The following FDFT1 variants were observed in gnomAD, a reference collection of about 807,000 sequenced individuals.
FDFT1 encodes the protein farnesyl-diphosphate farnesyltransferase 1.
In FDFT1, 68 loss-of-function variants were observed where a neutral mutation model predicts 46.8. The ratio of observed to expected loss-of-function variants is 1.45; its 90% confidence interval spans 1.19 to 1.78. The LOEUF (loss-of-function observed/expected upper bound fraction) is 1.78, where lower values mean the gene tolerates loss of function less well. Among genes scored for constraint, FDFT1 ranks in the 40% most tolerant of loss-of-function variants. The pLI is 0.00. For missense variants in FDFT1, 928 were observed against 524.4 expected, an observed-to-expected ratio of 1.77 and a Z score of -7.52; for synonymous variants, 351 against 185.1, an observed-to-expected ratio of 1.90 and a Z score of -7.28.
intron 1 of FDFT1, 137 bp downstream of exon 1, chr8:11,803,068 T>G (rs907540315): frequency 4.8e-6 from 7 of 1,449,332 alleles, no homozygotes; most frequent in Non-Finnish European, 5.4e-6. Flanking sequence ...CCGTCCCCCT[T>G]TCCTCGAGCC....
intron 7 of FDFT1, among the ~76,000 whole-genome samples, chr8:11,836,695 A>G (rs1811578711): frequency 6.6e-6 from 1 of 152,270 alleles, no homozygotes; most frequent in Non-Finnish European, 1.5e-5. Context: ...GATGACTTCT[A>G]ATAGAATTAT....
intron 7 of FDFT1, among the ~76,000 whole-genome samples, chr8:11,834,488 C>T (rs567647139): frequency 6.6e-6 from 1 of 152,302 alleles, no homozygotes; most frequent in South Asian, 2.1e-4. Flanking sequence ...AGAGAATCAT[C>T]CGGCTCTTTG....
intron 1 of FDFT1, among the ~76,000 whole-genome samples, chr8:11,804,285 T>C (rs980425374): frequency 6.6e-6 from 1 of 152,224 alleles, no homozygotes; most frequent in Non-Finnish European, 1.5e-5. Context: ...TCTATGTCTC[T>C]TTCCTTTCTA....
chr8:11,823,405 C>G (rs1422727582), intron 4 of FDFT1, among the ~76,000 whole-genome samples: 3 of 151,864 alleles, frequency 2.0e-5, no homozygotes, highest in African/African-American at 7.3e-5. Context: ...TCTAGTAATT[C>G]TTTTGAAGAT....
chr8:11,838,146 G>A (rs1281032684), intron 7 of FDFT1, among the ~76,000 whole-genome samples: 1 of 152,218 alleles, frequency 6.6e-6, no homozygotes, highest in Admixed American at 6.5e-5. Flanking sequence ...GGGCCTCTGG[G>A]TGCAGTATGC....
chr8:11,814,668 T>C (rs1438855032), intron 3 of FDFT1, among the ~76,000 whole-genome samples: 1 of 152,206 alleles, frequency 6.6e-6, no homozygotes, highest in Non-Finnish European at 1.5e-5. Context: ...AATTCAACTT[T>C]TTTACATTAG....
intron 7 of FDFT1, among the ~76,000 whole-genome samples, chr8:11,835,213 C>G (rs1425002435): frequency 1.3e-5 from 2 of 152,274 alleles, no homozygotes; most frequent in East Asian, 1.9e-4. Flanking sequence ...AGATGTAACT[C>G]CTTGATTGAG....
At chr8:11,804,264 G>C (rs1311152346) in intron 1 of FDFT1, among the ~76,000 whole-genome samples, 5 of 152,226 alleles carry the variant, frequency 3.3e-5, no homozygotes, top group Non-Finnish European at 7.3e-5. Flanking sequence ...TTTGGGTCCA[G>C]ACTTCATTCC....
chr8:11,809,625 G>C, intron 2 of FDFT1, 42 bp from the exon 3 acceptor site: 4 of 1,524,118 alleles, frequency 2.6e-6, no homozygotes, highest in Middle Eastern at 1.8e-4. Context: ...AAAATCTTTG[G>C]CTGTTTGTTC....
chr8:11,821,005 A>G (rs1052879234), intron 3 of FDFT1, among the ~76,000 whole-genome samples: 1 of 152,212 alleles, frequency 6.6e-6, no homozygotes, highest in Non-Finnish European at 1.5e-5. Flanking sequence ...TCTTGGAAGC[A>G]ACTCTGGGTC....
At chr8:11,803,277 G>T (rs1160231632) in intron 1 of FDFT1, 2 of 1,331,194 alleles carry the variant, frequency 1.5e-6, no homozygotes, top group African/African-American at 1.5e-5. Flanking sequence ...GGGTTACGCG[G>T]GAGAGGACGA....
At chr8:11,815,277 C>G (rs937010214) in intron 3 of FDFT1, among the ~76,000 whole-genome samples, 2 of 152,082 alleles carry the variant, frequency 1.3e-5, no homozygotes, top group East Asian at 1.9e-4. Context: ...TATTGATGGA[C>G]ATTTGGGTTG....
rs1811822009 is a variant in FDFT1, at chr8:11,838,325, G to C, written c.1033-63G>C. ...AAATACCTGCCAGTGGAGGGTTGTT[G>C]TAAGTAGCCATGGAAAATGTAAAGC... On this transcript the variant is annotated intron_variant, in intron 7 of 7. Coordinates refer to ENST00000220584, the MANE Select transcript of FDFT1 (RefSeq NM_004462.5). The C allele has an allele frequency of 1.2e-5, 15 of 1,296,384 alleles. No individual in the cohort carries two copies. The South Asian group carries it at 1.7e-4, about 15-fold the overall frequency. The allele number at this position is 1,296,384 out of a possible 1,614,324, so 80.3% of individuals were successfully genotyped here.
intron 7 of FDFT1, among the ~76,000 whole-genome samples, chr8:11,832,551 CAAAAAAAAA>C (rs531759815): frequency 4.4e-4 from 16 of 36,376 alleles, no homozygotes; most frequent in Admixed American, 1.4e-3. Flanking sequence ...GACTTTGTCT[CAAAAAAAAA>C]AAAAAAAAAA....
At chr8:11,816,278 G>A (rs1189142753) in intron 3 of FDFT1, among the ~76,000 whole-genome samples, 3 of 152,136 alleles carry the variant, frequency 2.0e-5, no homozygotes, top group Non-Finnish European at 4.4e-5. Context: ...TAGCCTTGTA[G>A]TATAGTTTGA....
intron 4 of FDFT1, among the ~76,000 whole-genome samples, chr8:11,822,129 T>C (rs1397589078): frequency 6.6e-6 from 1 of 152,206 alleles, no homozygotes; most frequent in Non-Finnish European, 1.5e-5. Flanking sequence ...CAAAGGGATG[T>C]AATTGACCAT....
At chr8:11,796,953 A>G (rs1041491843) in intron 1 of FDFT1, among the ~76,000 whole-genome samples, 1 of 152,256 alleles carries the variant, frequency 6.6e-6, no homozygotes, top group Non-Finnish European at 1.5e-5. Flanking sequence ...AAAGCAGCTC[A>G]GGGCAGTTGT....
intron 3 of FDFT1, among the ~76,000 whole-genome samples, chr8:11,815,543 CTT>C (rs1489468416): frequency 2.0e-5 from 3 of 152,168 alleles, no homozygotes; most frequent in Non-Finnish European, 2.9e-5. Flanking sequence ...TGTTTCCTGA[CTT>C]TTTAAATGAT....
At chr8:11,833,218 CT>C (rs1563342590) in intron 7 of FDFT1, among the ~76,000 whole-genome samples, 26 of 152,298 alleles carry the variant, frequency 1.7e-4, no homozygotes, top group African/African-American at 6.3e-4. Context: ...CCAGAACTTA[CT>C]TTGATCTATG....
Sources: gnomAD v4.1 joint callset for allele counts (sites outside exome capture counted in the v4.1 genomes callset) on GRCh38, gnomAD v4.1.1 for gene constraint, MANE v1.5 for transcripts, NCBI Gene and HGNC (gene_info 2026-07-23, HGNC 2026-07-21) for gene names.